The following RGSL1 variants were observed in gnomAD, a reference collection of about 807,000 sequenced individuals.
The protein encoded by RGSL1 is regulator of G protein signaling protein-like.
Under a neutral mutation model 124.7 loss-of-function variants are expected in RGSL1, and 97 were observed. The ratio of observed to expected loss-of-function variants is 0.78; its 90% CI spans 0.66 to 0.92. RGSL1 has a LOEUF of 0.92. RGSL1 is among the 40% of genes least tolerant of loss of function. The pLI is 0.00. For missense variants in RGSL1, 1,233 were observed against 1,288.4 expected (o/e 0.96, Z 0.66); for synonymous variants, 424 against 438.1 (o/e 0.97, Z 0.40).
At chr1:182,549,022 C>T in intron 17 of RGSL1, 198 bp downstream of exon 17, 1 of 580,354 alleles carries the variant, frequency 1.7e-6, no homozygotes, top group Non-Finnish European at 2.8e-6. Context: ...AGATGGAAGG[C>T]AGAGTAAGAC....
chr1:182,477,919 A>G (rs1156668464), intron 6 of RGSL1, among the ~76,000 whole-genome samples: 2 of 152,228 alleles, frequency 1.3e-5, no homozygotes, highest in African/African-American at 4.8e-5. Flanking sequence ...AAGGGTCATG[A>G]AAAATCAGGT....
chr1:182,510,815 A>G (rs560757614), intron 9 of RGSL1, among the ~76,000 whole-genome samples: 2 of 152,286 alleles, frequency 1.3e-5, no homozygotes, highest in African/African-American at 2.4e-5. Context: ...AGCTTCTTAT[A>G]TATTCTGGTT....
chr1:182,465,351 A>G (rs266513), intron 4 of RGSL1, among the ~76,000 whole-genome samples: 11,936 of 151,936 alleles, frequency 0.079, 644 homozygotes, highest in East Asian at 0.26. Context: ...TTCTCAGCAA[A>G]CTATCTCAAG....
chr1:182,497,276 T>C (rs1223337643), intron 9 of RGSL1, among the ~76,000 whole-genome samples: 7 of 150,002 alleles, frequency 4.7e-5, no homozygotes, highest in Non-Finnish European at 7.4e-5. Context: ...TATGTGTGTG[T>C]GTGTGCATGT....
upstream of RGSL1, among the ~76,000 whole-genome samples, chr1:182,448,765 G>A (rs1651623361): frequency 2.0e-5 from 3 of 152,122 alleles, no homozygotes. Context: ...TAACCATTAT[G>A]CATTTCAAGA....
chr1:182,487,319 C>T (rs1215636895), intron 6 of RGSL1, among the ~76,000 whole-genome samples: 1 of 152,172 alleles, frequency 6.6e-6, no homozygotes. Context: ...GATTACTCAG[C>T]AAGGCATTCA....
At chr1:182,488,725 C>CAAAAAATAAAAAAAA (rs1655294516) in intron 7 of RGSL1, 1 of 99,096 alleles carries the variant, frequency 1.0e-5, no homozygotes, top group African/African-American at 5.7e-5. Flanking sequence ...GACTCCGTCT[C>CAAAAAATAAAAAAAA]AAAAAAAAAA....
intron 10 of RGSL1, among the ~76,000 whole-genome samples, chr1:182,526,741 A>G (rs915259992): frequency 6.6e-6 from 1 of 152,212 alleles, no homozygotes; most frequent in Non-Finnish European, 1.5e-5. Flanking sequence ...AATTCACATG[A>G]TTATCTCAAT....
chr1:182,554,412 G>A (rs930088224), intron 19 of RGSL1, among the ~76,000 whole-genome samples: 5 of 152,184 alleles, frequency 3.3e-5, no homozygotes, highest in Non-Finnish European at 5.9e-5. Context: ...CAGATGAAAG[G>A]TTTCCTGGGA....
At chr1:182,491,203 T>A (rs904788947) in intron 8 of RGSL1, among the ~76,000 whole-genome samples, 3 of 151,936 alleles carry the variant, frequency 2.0e-5, no homozygotes, top group African/African-American at 7.3e-5. Flanking sequence ...ATGGTACTTT[T>A]AAAAAACTGT....
chr1:182,532,855 A>G (rs918025508), intron 14 of RGSL1, 64 bp downstream of exon 14: 60 of 1,491,310 alleles, frequency 4.0e-5, no homozygotes, highest in Non-Finnish European at 5.3e-5. Context: ...GTCAGCCCAC[A>G]TAAGAAGCTT....
chr1:182,523,483 C>T (rs1658507551), intron 10 of RGSL1, among the ~76,000 whole-genome samples: 1 of 152,114 alleles, frequency 6.6e-6, no homozygotes, highest in Admixed American at 6.6e-5. Flanking sequence ...TCTAATTTGT[C>T]CTAGTCACTG....
At chr1:182,485,500 C>T (rs1320737684) in intron 6 of RGSL1, among the ~76,000 whole-genome samples, 1 of 152,132 alleles carries the variant, frequency 6.6e-6, no homozygotes, top group Admixed American at 6.5e-5. Flanking sequence ...ATAATGGCTG[C>T]CTCAAAGACA....
intron 6 of RGSL1, among the ~76,000 whole-genome samples, chr1:182,481,854 C>G (rs1216991781): frequency 6.6e-6 from 1 of 151,952 alleles, no homozygotes. Flanking sequence ...GTGGCGTGTG[C>G]CTGTGGTCCT....
intron 2 of RGSL1, among the ~76,000 whole-genome samples, chr1:182,456,469 T>G (rs1346643372): frequency 6.6e-6 from 1 of 152,148 alleles, no homozygotes. Context: ...GCTAATCTTT[T>G]GTATTTTTAG....
intron 3 of RGSL1, among the ~76,000 whole-genome samples, chr1:182,459,567 T>G (rs905092413): frequency 2.0e-5 from 3 of 152,232 alleles, no homozygotes; most frequent in Non-Finnish European, 4.4e-5. Flanking sequence ...GTGAATTTTG[T>G]TTTTGTACAT....
intron 10 of RGSL1, among the ~76,000 whole-genome samples, chr1:182,522,976 A>ATATATATGCC (rs1658460101): frequency 6.6e-6 from 1 of 152,122 alleles, no homozygotes. Context: ...TTGCTAGTCA[A>ATATATATGCC]AATCTCTGGC....
intron 4 of RGSL1, among the ~76,000 whole-genome samples, chr1:182,465,824 A>G (rs954967602): frequency 6.6e-6 from 1 of 152,140 alleles, no homozygotes; most frequent in Non-Finnish European, 1.5e-5. Context: ...TGAGGCCAGC[A>G]TTACCCTGAT....
At chr1:182,451,802 CT>C (rs962438039) in intron 1 of RGSL1, among the ~76,000 whole-genome samples, 2 of 151,178 alleles carry the variant, frequency 1.3e-5, no homozygotes, top group African/African-American at 4.9e-5. Flanking sequence ...GAGGTGGGAG[CT>C]AGGGAGACCA....
Sources: gnomAD v4.1 joint callset for allele counts (sites outside exome capture counted in the v4.1 genomes callset) on GRCh38, gnomAD v4.1.1 for gene constraint, MANE v1.5 for transcripts, NCBI Gene and HGNC (gene_info 2026-07-23, HGNC 2026-07-21) for gene names.